Variants in MYSM1 observed in about 807,000 individuals in gnomAD.
The protein encoded by MYSM1 is deubiquitinase MYSM1.
Under a neutral mutation model 116.0 loss-of-function variants are expected in MYSM1, and 51 were observed. The observed-to-expected ratio is 0.44, with a 90% CI of 0.35 to 0.56. The LOEUF is 0.56. MYSM1 is among the 20% of genes least tolerant of loss of function. The pLI, the probability that MYSM1 is intolerant of heterozygous loss-of-function variation, is 0.00. For synonymous variants in MYSM1, 313 were observed against 315.2 expected (o/e 0.99, Z 0.07); for missense variants, 900 against 974.9 (o/e 0.92, Z 1.02).
chr1:58,674,273 C>G (rs1644610376), intron 10 of MYSM1, among the ~76,000 whole-genome samples: 1 of 152,136 alleles, frequency 6.6e-6, no homozygotes, highest in African/African-American at 2.4e-5. Context: ...ATATTGAAAA[C>G]TAGAAGCAAA....
intron 7 of MYSM1, among the ~76,000 whole-genome samples, chr1:58,684,721 G>A (rs1029657800): frequency 6.6e-6 from 1 of 152,008 alleles, no homozygotes; most frequent in African/African-American, 2.4e-5. Flanking sequence ...CATAACAATT[G>A]TAAAAATTTC....
chr1:58,699,703 A>G (rs1027258443), intron 1 of MYSM1: 1 of 985,430 alleles, frequency 1.0e-6, no homozygotes, highest in African/African-American at 1.7e-5. Flanking sequence ...GAAGGAATCT[A>G]AATGTAAATC....
chr1:58,690,029 GAA>G (rs770748387), intron 5 of MYSM1, among the ~76,000 whole-genome samples, 195 bp downstream of exon 5: 11 of 152,074 alleles, frequency 7.2e-5, no homozygotes, highest in Non-Finnish European at 1.3e-4. Flanking sequence ...ATAGGGCCAT[GAA>G]AGAAATTCTG....
chr1:58,692,030 G>A (rs1424891308), intron 3 of MYSM1, among the ~76,000 whole-genome samples: 3 of 152,084 alleles, frequency 2.0e-5, no homozygotes, highest in African/African-American at 4.8e-5. Flanking sequence ...TGTGTTAAAT[G>A]AGGATATCGG....
chr1:58,676,292 T>A (rs1408891895), intron 9 of MYSM1, among the ~76,000 whole-genome samples: 1 of 151,746 alleles, frequency 6.6e-6, no homozygotes, highest in Admixed American at 6.6e-5. Context: ...GGCATGCGCC[T>A]GTAGTCCCAG....
At chr1:58,687,317 AAAG>A (rs1401475707) in intron 6 of MYSM1, among the ~76,000 whole-genome samples, 4 of 152,320 alleles carry the variant, frequency 2.6e-5, no homozygotes, top group African/African-American at 9.6e-5. Context: ...AAGAAAACAC[AAAG>A]AAGACACTGG....
At position 58,682,462 on chromosome 1, in the gene MYSM1, C is replaced by A. The variant is rs377468984; in HGVS notation, c.582G>T (p.Lys194Asn). The A allele has an allele frequency of 2.5e-6, 4 of 1,613,956 alleles. No individual in the cohort carries two copies. The African/African-American group carries it at 4.0e-5, about 16-fold the overall frequency. The change falls in exon 8 of 20, where the codon AAG (lysine) becomes AAT (asparagine). Residue 194 changes from lysine to asparagine, a missense_variant. This residue lies in a region of MYSM1 where 622 missense variants were observed against 623.7 expected (regional missense o/e 1.00). Transcript: ENST00000472487. ...CCCTTAAACATGATGGTGTCCATGCCTTTGTCCCTTTATCTTCATTTTTAA... is the reference window on the plus strand; with the variant it reads ...CCCTTAAACATGATGGTGTCCATGCATTTGTCCCTTTATCTTCATTTTTAA... ...LQVKNEDKGTKAWTPSCLRGR... is the reference protein window; with the variant it reads ...LQVKNEDKGTNAWTPSCLRGR...
chr1:58,684,736 C>T (rs1164166301), intron 7 of MYSM1, among the ~76,000 whole-genome samples: 5 of 152,008 alleles, frequency 3.3e-5, no homozygotes, highest in Non-Finnish European at 7.4e-5. Flanking sequence ...AATTTCATAG[C>T]TATTTAACAG....
intron 8 of MYSM1, among the ~76,000 whole-genome samples, chr1:58,677,304 CAT>C (rs531175781): frequency 7.2e-5 from 11 of 152,048 alleles, no homozygotes; most frequent in Non-Finnish European, 1.3e-4. Context: ...ATGTTAAATT[CAT>C]AGATTCCAGT....
At position 58,660,477 on chromosome 1, in the gene MYSM1, T is replaced by C. The variant is rs181012403; in HGVS notation, c.2329-322A>G. On this transcript the variant is annotated intron_variant, in intron 19 of 19. Transcript: ENST00000472487. ...TAGTTACACTTACAAAGCAAAATAA[T>C]CCTGAGTATACACACACACAAAAAT... Among the ~76,000 whole-genome samples the C allele has an allele frequency of 2.8e-3, 422 of 152,114 alleles. 9 individuals are homozygous for C. Among genetic ancestry groups the C allele is most frequent in the Non-Finnish European group, 1.6e-3 (110 of 67,980 alleles).
rs1644312120 is a variant in MYSM1 at position 58,655,769 on chromosome 1, CTGATCAAATTTGTTAAATTATT to C, written c.*4206_*4227del. 1 of 151,976 alleles carries C rather than the reference CTGATCAAATTTGTTAAATTATT, an allele frequency of 6.6e-6. No individual in the cohort carries two copies. Among genetic ancestry groups the C allele is most frequent in the Non-Finnish European group, 1.5e-5 (1 of 68,026 alleles). 9.4% of individuals were successfully genotyped at this position (151,976 alleles called of 1,614,324 possible). ...TTAAAGTACTGGTAAACTAGAGATGCTGATCAAATTTGTTAAATTATTTATTTACCCTGATGAAGCAGATGAT... is the reference window on the plus strand; with the variant it reads ...TTAAAGTACTGGTAAACTAGAGATGCTATTTACCCTGATGAAGCAGATGAT... On this transcript the variant is annotated 3_prime_UTR_variant, in exon 20 of 20. Coordinates refer to ENST00000472487, the MANE Select transcript of MYSM1 (RefSeq NM_001085487.3).
chr1:58,670,584 ATC>A (rs1365035299), intron 12 of MYSM1, among the ~76,000 whole-genome samples: 15 of 152,364 alleles, frequency 9.8e-5, no homozygotes, highest in Non-Finnish European at 1.8e-4. Context: ...GATAGGAATA[ATC>A]TGTTAGAAAC....
intron 18 of MYSM1, 51 bp downstream of exon 18, chr1:58,661,355 T>C (rs768479721): frequency 7.4e-7 from 1 of 1,347,938 alleles, no homozygotes; most frequent in East Asian, 2.3e-5. Flanking sequence ...TGAAACATAA[T>C]TTAATGAGCA....
At chr1:58,676,574 G>A (rs1276683823) in intron 9 of MYSM1, among the ~76,000 whole-genome samples, 1 of 152,010 alleles carries the variant, frequency 6.6e-6, no homozygotes, top group Non-Finnish European at 1.5e-5. Context: ...AACATTGCTA[G>A]GTAGTATTTC....
intron 10 of MYSM1, among the ~76,000 whole-genome samples, chr1:58,673,870 G>A (rs1332246561): frequency 6.6e-6 from 1 of 152,156 alleles, no homozygotes; most frequent in Non-Finnish European, 1.5e-5. Context: ...GCGAGGTAAG[G>A]GCAGGAGCAC....
chr1:58,697,831 C>T (rs962372982), intron 1 of MYSM1, among the ~76,000 whole-genome samples: 9 of 151,396 alleles, frequency 5.9e-5, no homozygotes, highest in African/African-American at 1.9e-4. Context: ...TCAGGTGATC[C>T]GCCCGCCTTG....
intron 6 of MYSM1, 65 bp from the exon 7 acceptor site, chr1:58,685,316 C>A: frequency 1.0e-6 from 1 of 981,146 alleles, no homozygotes; most frequent in Non-Finnish European, 1.5e-6. Context: ...GTCCAAGCCA[C>A]TACCACATTA....
At chr1:58,694,160 A>G (rs575236168) in intron 2 of MYSM1, among the ~76,000 whole-genome samples, 1 of 152,334 alleles carries the variant, frequency 6.6e-6, no homozygotes, top group African/African-American at 2.4e-5. Context: ...ACTCTCATTC[A>G]GCATCTTGCT....
At chr1:58,669,348 G>A (rs1020025824) in intron 12 of MYSM1, among the ~76,000 whole-genome samples, 5 of 152,054 alleles carry the variant, frequency 3.3e-5, no homozygotes, top group African/African-American at 1.2e-4. Flanking sequence ...AAAGTCCAAT[G>A]AAAATATAAT....
Sources: gnomAD v4.1 joint callset for allele counts (sites outside exome capture counted in the v4.1 genomes callset) on GRCh38, gnomAD v4.1.1 for gene constraint, gnomAD v4.1.1 regional missense constraint, MANE v1.5 for transcripts, NCBI Gene and HGNC (gene_info 2026-07-23, HGNC 2026-07-21) for gene names.